IMMP2L: variants seen among roughly 807,000 people sequenced by gnomAD.
IMMP2L encodes inner mitochondrial membrane peptidase subunit 2.
IMMP2L carries 18 observed loss-of-function variants against 19.3 expected under a neutral mutation model. The ratio of observed to expected loss-of-function variants is 0.93; its 90% CI spans 0.64 to 1.38. The LOEUF (loss-of-function observed/expected upper bound fraction) is 1.38, where lower values mean the gene tolerates loss of function less well. Ranked by LOEUF, IMMP2L falls within the 40% of genes most tolerant of loss-of-function variation. The pLI is 0.00. For missense variants in IMMP2L, 233 were observed against 218.2 expected (o/e 1.07, Z -0.43); for synonymous variants, 76 against 73.0 (o/e 1.04, Z -0.21).
chr7:111,447,276 T>G (rs924873811), intron 3 of IMMP2L, among the ~76,000 whole-genome samples: 1 of 112,232 alleles, frequency 8.9e-6, no homozygotes, highest in African/African-American at 4.0e-5. Flanking sequence ...AAAGTTGAAA[T>G]GAAGGAAAAA....
chr7:110,854,741 G>C (rs1295065559), intron 5 of IMMP2L, among the ~76,000 whole-genome samples: 2 of 151,716 alleles, frequency 1.3e-5, no homozygotes, highest in African/African-American at 2.4e-5. Flanking sequence ...CCTCAAATCA[G>C]ACATCACCAT....
intron 5 of IMMP2L, among the ~76,000 whole-genome samples, chr7:110,761,844 A>G (rs1282623010): frequency 6.6e-6 from 1 of 152,092 alleles, no homozygotes; most frequent in Non-Finnish European, 1.5e-5. Context: ...CATTTCTCTA[A>G]CTTCTGACCT....
At chr7:110,950,791 T>A (rs1032664953) in intron 4 of IMMP2L, among the ~76,000 whole-genome samples, 2 of 148,668 alleles carry the variant, frequency 1.3e-5, no homozygotes, top group Admixed American at 6.8e-5. Flanking sequence ...ATGAGTTTGA[T>A]GTATTTTTAA....
chr7:110,980,603 T>C (rs1821199579), intron 3 of IMMP2L, among the ~76,000 whole-genome samples: 1 of 152,138 alleles, frequency 6.6e-6, no homozygotes, highest in South Asian at 2.1e-4. Flanking sequence ...GTGGATTCAG[T>C]GAGTTTTTAC....
In IMMP2L at chr7:111,252,651, G is replaced by T. The variant is rs566146560; in HGVS notation, c.239+234587C>A. On this transcript the variant is annotated intron_variant, in intron 3 of 5. Coordinates refer to ENST00000405709, the MANE Select transcript of IMMP2L (RefSeq NM_032549.4). ...GGTTTGAAGCCAACACTAAATCGGG[G>T]TCCTTGAGCATTTAAATTAAAATTC... Among the ~76,000 whole-genome samples the T allele has an allele frequency of 4.2e-4, 64 of 152,200 alleles. No individual in the cohort carries two copies. The South Asian group carries it at 0.013, about 31-fold the overall frequency.
intron 3 of IMMP2L, among the ~76,000 whole-genome samples, chr7:111,285,108 T>A (rs1406922467): frequency 1.3e-5 from 2 of 151,948 alleles, no homozygotes; most frequent in East Asian, 3.9e-4. Context: ...CATCACATAA[T>A]AAAGGCCTTG....
At chr7:111,465,889 G>A (rs1485929964) in intron 3 of IMMP2L, among the ~76,000 whole-genome samples, 9 of 151,996 alleles carry the variant, frequency 5.9e-5, no homozygotes, top group African/African-American at 2.2e-4. Context: ...TGTTTATTGC[G>A]GCACTATTCA....
chr7:111,079,861 C>T (rs1023555197), intron 3 of IMMP2L, among the ~76,000 whole-genome samples: 1 of 152,026 alleles, frequency 6.6e-6, no homozygotes, highest in African/African-American at 2.4e-5. Context: ...AGCTGAGCTC[C>T]CATAATGAGA....
chr7:111,073,177 G>C (rs1052104421), intron 3 of IMMP2L, among the ~76,000 whole-genome samples: 1 of 152,018 alleles, frequency 6.6e-6, no homozygotes, highest in African/African-American at 2.4e-5. Flanking sequence ...TTTCAAATAA[G>C]TCAACAAAAA....
chr7:111,000,515 T>A (rs1230309786), intron 3 of IMMP2L, among the ~76,000 whole-genome samples: 1 of 152,104 alleles, frequency 6.6e-6, no homozygotes, highest in Admixed American at 6.6e-5. Context: ...TCATATAGCA[T>A]TTATAACTTA....
At chr7:111,103,024 C>CT (rs1362263323) in intron 3 of IMMP2L, among the ~76,000 whole-genome samples, 1 of 151,496 alleles carries the variant, frequency 6.6e-6, no homozygotes, top group East Asian at 1.9e-4. Context: ...TTTTTTAAGA[C>CT]TACAGTGTCC....
At chr7:111,113,101 G>C (rs1026677474) in intron 3 of IMMP2L, among the ~76,000 whole-genome samples, 1 of 152,126 alleles carries the variant, frequency 6.6e-6, no homozygotes. Flanking sequence ...TTCCTTCAGA[G>C]TAATGTTCCC....
chr7:111,271,634 C>T (rs1227230669), intron 3 of IMMP2L, among the ~76,000 whole-genome samples: 1 of 152,082 alleles, frequency 6.6e-6, no homozygotes, highest in Admixed American at 6.6e-5. Context: ...GCTGATGTTG[C>T]TGGTCACGGG....
chr7:111,521,245 C>A, intron 2 of IMMP2L, 68 bp downstream of exon 2: 1 of 1,466,694 alleles, frequency 6.8e-7, no homozygotes, highest in South Asian at 1.3e-5. Context: ...ATAATTAGCA[C>A]TCTCATTTCT....
chr7:110,692,433 A>G (rs986222134), intron 5 of IMMP2L, among the ~76,000 whole-genome samples: 3 of 152,010 alleles, frequency 2.0e-5, no homozygotes, highest in Non-Finnish European at 4.4e-5. Flanking sequence ...AAAATCTCAG[A>G]CTTCACAACT....
At chr7:110,998,461 T>C (rs1469572352) in intron 3 of IMMP2L, among the ~76,000 whole-genome samples, 3 of 152,196 alleles carry the variant, frequency 2.0e-5, no homozygotes, top group Middle Eastern at 3.2e-3. Flanking sequence ...TGCTATGAAA[T>C]TGAATGCCTC....
chr7:111,469,062 G>C (rs1245767274), intron 3 of IMMP2L, among the ~76,000 whole-genome samples: 1 of 151,972 alleles, frequency 6.6e-6, no homozygotes, highest in Non-Finnish European at 1.5e-5. Context: ...TGGACAAAGG[G>C]AAAAGAGAAG....
At chr7:111,458,458 ACTTACC>A (rs918115541) in intron 3 of IMMP2L, among the ~76,000 whole-genome samples, 9 of 152,146 alleles carry the variant, frequency 5.9e-5, no homozygotes, top group Non-Finnish European at 1.2e-4. Flanking sequence ...CAAATGAATA[ACTTACC>A]ATTGTACCAC....
At chr7:111,196,375 G>GA (rs1294814843) in intron 3 of IMMP2L, among the ~76,000 whole-genome samples, 8 of 151,046 alleles carry the variant, frequency 5.3e-5, no homozygotes, top group African/African-American at 1.7e-4. Context: ...AATCAAACTA[G>GA]AAAAAAAAAT....
Sources: allele counts gnomAD v4.1 joint callset (sites outside exome capture counted in the v4.1 genomes callset), GRCh38; gene constraint gnomAD v4.1.1; transcripts MANE v1.5; gene names NCBI Gene and HGNC (gene_info 2026-07-23, HGNC 2026-07-21).